The following ZEB1 variants were observed in gnomAD, a reference collection of about 807,000 sequenced individuals.
ZEB1 encodes zinc finger E-box-binding homeobox 1.
In ZEB1, 21 loss-of-function variants were observed where a neutral mutation model predicts 84.9. That is an observed-to-expected ratio of 0.25 (90% CI 0.18 to 0.36). The LOEUF (loss-of-function observed/expected upper bound fraction) is 0.36. Among genes scored for constraint, ZEB1 ranks in the 10% least tolerant of loss-of-function variants. The pLI is 1.00. For missense variants in ZEB1, 1,104 were observed against 1,330.2 expected (o/e 0.83, Z 2.65); for synonymous variants, 420 against 471.1 (o/e 0.89, Z 1.41).
intron 1 of ZEB1, among the ~76,000 whole-genome samples, chr10:31,448,413 C>G: frequency 7.0e-6 from 1 of 143,780 alleles, no homozygotes; most frequent in East Asian, 2.0e-4. Flanking sequence ...TCTCTCAGCT[C>G]GTCAAAGTCA....
intron 1 of ZEB1, among the ~76,000 whole-genome samples, chr10:31,429,204 G>A (rs897910223): frequency 1.3e-5 from 2 of 152,176 alleles, no homozygotes; most frequent in Non-Finnish European, 2.9e-5. Flanking sequence ...TCTGGTAACG[G>A]TCTTTCCTTT....
At chr10:31,358,461 A>G (rs117313312) in intron 1 of ZEB1, 1 of 152,156 alleles carries the variant, frequency 6.6e-6, no homozygotes, top group Non-Finnish European at 1.5e-5. Context: ...CTTCTCATTT[A>G]ATAGACACCT....
At chr10:31,322,359 A>G (rs2034331420) in intron 1 of ZEB1, among the ~76,000 whole-genome samples, 1 of 152,244 alleles carries the variant, frequency 6.6e-6, no homozygotes, top group Admixed American at 6.5e-5. Flanking sequence ...ATGAAGAAAT[A>G]TGTGATATAT....
chr10:31,343,485 AT>A (rs1269488015), intron 1 of ZEB1, among the ~76,000 whole-genome samples: 3 of 151,906 alleles, frequency 2.0e-5, no homozygotes, highest in Non-Finnish European at 4.4e-5. Context: ...ATTTATTTTT[AT>A]TTTTTATCAT....
intron 1 of ZEB1, among the ~76,000 whole-genome samples, chr10:31,328,727 A>G (rs1289379122): frequency 2.0e-5 from 3 of 152,130 alleles, no homozygotes; most frequent in Non-Finnish European, 4.4e-5. Flanking sequence ...ATTATATGAG[A>G]GAGACCTTAC....
intron 1 of ZEB1, among the ~76,000 whole-genome samples, chr10:31,340,526 C>T (rs1411925711): frequency 6.6e-6 from 1 of 152,152 alleles, no homozygotes; most frequent in Non-Finnish European, 1.5e-5. Context: ...CAATTTGGTA[C>T]TTGATGACTT....
chr10:31,420,847 A>G (rs890973435), intron 1 of ZEB1, among the ~76,000 whole-genome samples: 4 of 152,086 alleles, frequency 2.6e-5, no homozygotes, highest in African/African-American at 9.7e-5. Flanking sequence ...CAGTCTCATT[A>G]TATCTTTGAT....
intron 2 of ZEB1, among the ~76,000 whole-genome samples, chr10:31,485,549 G>A (rs2065617237): frequency 6.6e-6 from 1 of 151,772 alleles, no homozygotes. Context: ...AAACATTATT[G>A]TGTATTATTA....
intron 1 of ZEB1, among the ~76,000 whole-genome samples, chr10:31,453,588 G>A (rs2060847768): frequency 6.6e-6 from 1 of 151,952 alleles, no homozygotes; most frequent in Admixed American, 6.6e-5. Flanking sequence ...ATGCAATCAT[G>A]TGCTAAAAAT....
chr10:31,414,838 A>G (rs142467480), intron 1 of ZEB1, among the ~76,000 whole-genome samples: 4 of 152,298 alleles, frequency 2.6e-5, no homozygotes, highest in Non-Finnish European at 5.9e-5. Context: ...CTTGGTTATA[A>G]ATAGCATTAT....
At chr10:31,426,967 A>AAAT (rs2057011960) in intron 1 of ZEB1, among the ~76,000 whole-genome samples, 1 of 151,758 alleles carries the variant, frequency 6.6e-6, no homozygotes, top group African/African-American at 2.4e-5. Context: ...TTGTAGGAAA[A>AAAT]AATTTCTTCT....
chr10:31,433,937 C>T (rs906330244), intron 1 of ZEB1, among the ~76,000 whole-genome samples: 13 of 152,026 alleles, frequency 8.6e-5, no homozygotes, highest in Admixed American at 3.3e-4. Flanking sequence ...GCTGAAAAGA[C>T]AATAATGGAG....
chr10:31,369,188 A>C (rs1424052015), intron 1 of ZEB1, among the ~76,000 whole-genome samples: 3 of 152,192 alleles, frequency 2.0e-5, no homozygotes, highest in African/African-American at 2.4e-5. Flanking sequence ...TAATTAACAT[A>C]TCTGTCACCT....
intron 2 of ZEB1, among the ~76,000 whole-genome samples, chr10:31,471,693 G>C (rs1432027558): frequency 3.4e-5 from 5 of 146,794 alleles, no homozygotes; most frequent in Admixed American, 6.7e-5. Flanking sequence ...ATTGAACTCA[G>C]CTCTGCACCA....
At chr10:31,331,607 C>T (rs1259098670) in intron 1 of ZEB1, among the ~76,000 whole-genome samples, 1 of 152,148 alleles carries the variant, frequency 6.6e-6, no homozygotes, top group African/African-American at 2.4e-5. Context: ...CTTTAGAATA[C>T]AGTTTGGTAA....
intron 1 of ZEB1, among the ~76,000 whole-genome samples, chr10:31,446,096 C>A (rs550654717): frequency 3.3e-5 from 5 of 150,058 alleles, no homozygotes; most frequent in African/African-American, 1.2e-4. Context: ...ATTTCAGATC[C>A]TGTTATTGGT....
At chr10:31,351,600 T>A (rs1436038573) in intron 1 of ZEB1, among the ~76,000 whole-genome samples, 1 of 152,200 alleles carries the variant, frequency 6.6e-6, no homozygotes, top group Non-Finnish European at 1.5e-5. Flanking sequence ...GAGACTCTTT[T>A]ATTGGGTCAG....
chr10:31,425,207 T>C (rs2056766751), intron 1 of ZEB1, among the ~76,000 whole-genome samples: 1 of 152,010 alleles, frequency 6.6e-6, no homozygotes, highest in African/African-American at 2.4e-5. Flanking sequence ...AAACCACGAA[T>C]TTGAATCAAT....
At chr10:31,392,458 C>T (rs1371731099) in intron 1 of ZEB1, among the ~76,000 whole-genome samples, 1 of 152,072 alleles carries the variant, frequency 6.6e-6, no homozygotes, top group African/African-American at 2.4e-5. Context: ...TATACACTTC[C>T]TGTTGGTTTT....
Sources: gnomAD v4.1 joint callset for allele counts (sites outside exome capture counted in the v4.1 genomes callset) on GRCh38, gnomAD v4.1.1 for gene constraint, MANE v1.5 for transcripts, NCBI Gene and HGNC (gene_info 2026-07-23, HGNC 2026-07-21) for gene names.